MCF2L2: variants seen among roughly 807,000 people sequenced by gnomAD.
MCF2L2 encodes probable guanine nucleotide exchange factor MCF2L2.
MCF2L2 carries 102 observed loss-of-function variants against 150.2 expected under a neutral mutation model. The ratio of observed to expected loss-of-function variants is 0.68; its 90% confidence interval spans 0.58 to 0.80. The LOEUF (loss-of-function observed/expected upper bound fraction) is 0.80. Among genes scored for constraint, MCF2L2 ranks in the 30% least tolerant of loss-of-function variants. The pLI is 0.00. For synonymous variants in MCF2L2, 465 were observed against 491.3 expected, an observed-to-expected ratio of 0.95 and a Z score of 0.71; for missense variants, 1,256 against 1,372.8, an observed-to-expected ratio of 0.91 and a Z score of 1.34.
At chr3:183,209,084 C>A (rs568921513) in intron 22 of MCF2L2, among the ~76,000 whole-genome samples, 1 of 152,190 alleles carries the variant, frequency 6.6e-6, no homozygotes, top group Non-Finnish European at 1.5e-5. Context: ...TAACAGTTCA[C>A]CACATTCCAA....
chr3:183,243,145 T>G (rs533685584), intron 15 of MCF2L2, among the ~76,000 whole-genome samples: 5 of 152,368 alleles, frequency 3.3e-5, no homozygotes, highest in South Asian at 2.1e-4. Context: ...GGGACTTGCC[T>G]TGTTTCAGAT....
chr3:183,204,572 G>C (rs1409722423), intron 25 of MCF2L2, among the ~76,000 whole-genome samples: 1 of 152,078 alleles, frequency 6.6e-6, no homozygotes, highest in Non-Finnish European at 1.5e-5. Context: ...AATGTGAAAT[G>C]GTGGTACTGT....
intron 4 of MCF2L2, 33 bp from the exon 5 acceptor site, chr3:183,338,952 G>A (rs1730598830): frequency 1.3e-6 from 2 of 1,580,052 alleles, no homozygotes; most frequent in Non-Finnish European, 1.7e-6. Flanking sequence ...CAGGAGGAGA[G>A]AGAAAAATGT....
In MCF2L2 at chr3:183,232,782, C is replaced by G. The variant is rs1048535802; in HGVS notation, c.1863-1765G>C. Among the ~76,000 whole-genome samples, 3 of 152,098 alleles carry G rather than the reference C, an allele frequency of 2.0e-5. No homozygotes were observed. The South Asian group carries it at 6.2e-4, about 31-fold the overall frequency. ...TCAACGAAGGCATATTTTAAAAGAG[C>G]AACAATTTTCATCTATTAGAATATT... is the stretch of plus-strand genomic sequence containing the variant. On this transcript the variant is annotated intron_variant, in intron 15 of 29. Coordinates refer to ENST00000328913, the MANE Select transcript of MCF2L2 (RefSeq NM_015078.4).
intron 5 of MCF2L2, among the ~76,000 whole-genome samples, chr3:183,334,840 C>T (rs1273133734): frequency 6.7e-6 from 1 of 149,230 alleles, no homozygotes; most frequent in Non-Finnish European, 1.5e-5. Flanking sequence ...CACAATGGCT[C>T]ATGCCTGTAA....
chr3:183,389,056 G>A (rs946220951), intron 2 of MCF2L2, among the ~76,000 whole-genome samples: 3 of 152,086 alleles, frequency 2.0e-5, no homozygotes, highest in African/African-American at 7.2e-5. Flanking sequence ...CCTAAGTTGG[G>A]TCTAACCATA....
At chr3:183,302,320 A>G (rs1422064481) in intron 10 of MCF2L2, among the ~76,000 whole-genome samples, 9 of 152,194 alleles carry the variant, frequency 5.9e-5, no homozygotes, top group Non-Finnish European at 1.0e-4. Context: ...CTTCGAAGAA[A>G]TGTGTGCATG....
rs767512850 is a variant in MCF2L2 at position 183,299,994 on chromosome 3, G to A, written c.1305+11C>T. ...TTGCAGACATCATGTTCTTGGCTGT[G>A]TTTTGCTCACCTTGTCCAGCTGTCT... On this transcript the variant is annotated intron_variant, in intron 11 of 29. Transcript: ENST00000328913. 1 of 1,609,280 alleles carries A rather than the reference G, an allele frequency of 6.2e-7. No homozygotes were observed. The highest frequency in any genetic ancestry group is 1.1e-5 in the South Asian group (1 of 90,226).
At chr3:183,349,376 T>C (rs573005847) in intron 3 of MCF2L2, among the ~76,000 whole-genome samples, 1 of 152,376 alleles carries the variant, frequency 6.6e-6, no homozygotes, top group Admixed American at 6.5e-5. Flanking sequence ...ACATGAATGT[T>C]GACATACTGT....
At chr3:183,310,011 G>A (rs532347865) in intron 9 of MCF2L2, among the ~76,000 whole-genome samples, 176 bp from the exon 10 acceptor site, 9 of 152,002 alleles carry the variant, frequency 5.9e-5, no homozygotes, top group South Asian at 4.2e-4. Context: ...TAAGCTGGGG[G>A]TGCAGAATTC....
Position 183,389,714 on chromosome 3 carries a change from G to T in MCF2L2, c.142C>A (p.Gln48Lys). 1 of 1,614,088 alleles carries T rather than the reference G, an allele frequency of 6.2e-7. No homozygotes were observed. The highest frequency in any genetic ancestry group is 2.2e-5 in the East Asian group (1 of 44,882). The change falls in exon 2 of 30, where the codon CAA becomes AAA. Residue 48 changes from glutamine to lysine, a missense_variant. Coordinates refer to ENST00000328913, the MANE Select transcript of MCF2L2 (RefSeq NM_015078.4). ...AVEIIEQLHR[Q>K]FAILSGGRGE... Reference sequence around the variant, plus strand: ...CCCTTACCTGAAAGAATGGCAAATTGTCTGTGAAGTTGTTCTATTATCTCC... The same window carrying T: ...CCCTTACCTGAAAGAATGGCAAATTTTCTGTGAAGTTGTTCTATTATCTCC...
rs531522501 is a variant in MCF2L2 at position 183,227,886 on chromosome 3, A to G, written c.2115+411T>C. On this transcript the variant is annotated intron_variant, in intron 18 of 29. Coordinates refer to ENST00000328913, the MANE Select transcript of MCF2L2 (RefSeq NM_015078.4). The surrounding 1 kb of genome is among the most constrained non-coding windows in gnomAD (Gnocchi z 4.0). The stretch of plus-strand genomic sequence containing the variant: ...TGATAGTCGCCATGCTGTGCGTTAC[A>G]TCTCCAGGACTTACTCATCTCATAA... 2 of 164,362 alleles carry G rather than the reference A, an allele frequency of 1.2e-5. No individual in the cohort carries two copies. Among genetic ancestry groups the G allele is most frequent in the African/African-American group, 4.8e-5 (2 of 41,900 alleles). 10.2% of individuals were successfully genotyped at this position (164,362 alleles called of 1,614,324 possible).
intron 2 of MCF2L2, among the ~76,000 whole-genome samples, chr3:183,387,733 G>A (rs954324433): frequency 2.6e-5 from 4 of 151,976 alleles, no homozygotes; most frequent in Non-Finnish European, 4.4e-5. Context: ...AGGAGTTCGA[G>A]ACCAGCCTGG....
chr3:183,227,953 C>T lies in MCF2L2; in HGVS notation c.2115+344G>A, dbSNP rs1378430949. The T allele has an allele frequency of 1.5e-5, 3 of 195,750 alleles. No homozygotes were observed. Among genetic ancestry groups the T allele is most frequent in the Non-Finnish European group, 3.2e-5 (3 of 94,678 alleles). 12.1% of individuals were successfully genotyped at this position (195,750 alleles called of 1,614,324 possible). A position where few individuals can be genotyped will look rare whatever the true frequency, so the allele number is the denominator to read the frequency against. ...TGTGACCAACATCTCCCTACTTCCT[C>T]TAGACTCCAGCCCCTGGCAACCACC... On this transcript the variant is annotated intron_variant, in intron 18 of 29. Coordinates refer to ENST00000328913, the MANE Select transcript of MCF2L2 (RefSeq NM_015078.4). This position sits in a 1 kb window ranked among gnomAD's most constrained non-coding sequence, Gnocchi z 4.0.
In MCF2L2 at chr3:183,406,711, A is replaced by T. The variant is rs569438594; in HGVS notation, c.77-16932T>A. ...ACCACATTGGCCAGGCTGGTCTCGA[A>T]CTCCTGACCTCAGGTGATCCACCCA... On this transcript the variant is annotated intron_variant, in intron 1 of 29. Coordinates refer to ENST00000328913, the MANE Select transcript of MCF2L2 (RefSeq NM_015078.4). Among the ~76,000 whole-genome samples the T allele has an allele frequency of 3.4e-4, 51 of 151,444 alleles. 1 individual carries two copies. In the South Asian group the frequency reaches 8.4e-3, roughly 25 times the overall value.
intron 15 of MCF2L2, among the ~76,000 whole-genome samples, chr3:183,249,945 A>G (rs920322526): frequency 6.6e-6 from 1 of 152,238 alleles, no homozygotes; most frequent in Admixed American, 6.5e-5. Context: ...TGAGAGACTC[A>G]GAGAAGAGCA....
intron 14 of MCF2L2, among the ~76,000 whole-genome samples, chr3:183,282,158 TTATTA>T (rs1727524529): frequency 6.6e-6 from 1 of 151,118 alleles, no homozygotes; most frequent in Non-Finnish European, 1.5e-5. Context: ...TTGGCTTTTA[TTATTA>T]TTATTATTTA....
At chr3:183,375,577 C>G (rs769481813) in intron 3 of MCF2L2, 2 of 152,098 alleles carry the variant, frequency 1.3e-5, no homozygotes, top group African/African-American at 2.4e-5. Flanking sequence ...TACACCGCAC[C>G]CTACATGCTG....
At chr3:183,210,895 C>A (rs1722692388) in intron 22 of MCF2L2, among the ~76,000 whole-genome samples, 3 of 152,178 alleles carry the variant, frequency 2.0e-5, no homozygotes, top group Non-Finnish European at 1.5e-5. Context: ...GTACCAGCAG[C>A]TGACCATAGG....
Sources: gnomAD v4.1 joint callset for allele counts (sites outside exome capture counted in the v4.1 genomes callset) on GRCh38, gnomAD v4.1.1 for gene constraint, Gnocchi (gnomAD v3.1) non-coding constraint, MANE v1.5 for transcripts, NCBI Gene and HGNC (gene_info 2026-07-23, HGNC 2026-07-21) for gene names.